SRGN: variants seen among roughly 807,000 people sequenced by gnomAD.
The protein encoded by SRGN is hematopoetic proteoglycan core peptide.
Under a neutral mutation model 9.5 loss-of-function variants are expected in SRGN, and 2 were observed. The observed-to-expected ratio is 0.21, with a 90% CI of 0.09 to 0.66. The LOEUF (loss-of-function observed/expected upper bound fraction) is 0.66, where lower values mean the gene tolerates loss of function less well. Ranked by LOEUF, SRGN falls within the 30% of genes least tolerant of loss-of-function variation. SRGN has a pLI of 0.83. For missense variants in SRGN, 170 were observed against 192.4 expected (o/e 0.88, Z 0.69); for synonymous variants, 59 against 72.3 (o/e 0.82, Z 0.93).
At chr10:69,089,087 G>C (rs1310144980) in intron 1 of SRGN, among the ~76,000 whole-genome samples, 1 of 152,176 alleles carries the variant, frequency 6.6e-6, no homozygotes, top group Non-Finnish European at 1.5e-5. Context: ...AAATGGTAAG[G>C]GAAATGTTGA....
intron 1 of SRGN, among the ~76,000 whole-genome samples, chr10:69,095,213 C>T (rs1259340935): frequency 6.7e-6 from 1 of 149,780 alleles, no homozygotes; most frequent in African/African-American, 2.5e-5. Flanking sequence ...GAGGCTGAGG[C>T]AGGAGAATCG....
intron 2 of SRGN, among the ~76,000 whole-genome samples, chr10:69,097,839 C>T (rs1345901006): frequency 2.6e-5 from 4 of 152,188 alleles, no homozygotes; most frequent in Non-Finnish European, 4.4e-5. Context: ...GTTGGGATTA[C>T]AAGCATGAGC....
chr10:69,101,099 C>T (rs1328077032), intron 2 of SRGN, among the ~76,000 whole-genome samples: 1 of 151,498 alleles, frequency 6.6e-6, no homozygotes, highest in East Asian at 1.9e-4. Context: ...TCTCCTGCCT[C>T]AGCCTCCAGG....
intron 2 of SRGN, among the ~76,000 whole-genome samples, chr10:69,099,468 TA>T (rs940128543): frequency 6.6e-6 from 1 of 151,888 alleles, no homozygotes; most frequent in Non-Finnish European, 1.5e-5. Flanking sequence ...CCCATCTAAT[TA>T]AAAAAATTTT....
intron 1 of SRGN, among the ~76,000 whole-genome samples, chr10:69,088,554 T>C (rs1417001624): frequency 6.6e-6 from 1 of 152,172 alleles, no homozygotes; most frequent in Non-Finnish European, 1.5e-5. Flanking sequence ...GCCTGTTGCA[T>C]GGAGGAGATG....
chr10:69,092,794 CAAA>C (rs11456015), intron 1 of SRGN, among the ~76,000 whole-genome samples: 2 of 118,082 alleles, frequency 1.7e-5, no homozygotes, highest in African/African-American at 3.3e-5. Context: ...ACTCTGTCTC[CAAA>C]AAAAAAAAAA....
intron 1 of SRGN, among the ~76,000 whole-genome samples, chr10:69,091,196 G>C (rs904053828): frequency 1.6e-4 from 25 of 152,278 alleles, no homozygotes; most frequent in Middle Eastern, 3.4e-3. Context: ...AAATTTGTGA[G>C]TCTTGCCCAA....
chr10:69,101,309 C>A (rs1000290166), intron 2 of SRGN, among the ~76,000 whole-genome samples: 5 of 152,266 alleles, frequency 3.3e-5, no homozygotes, highest in Non-Finnish European at 7.4e-5. Flanking sequence ...GGTTACCTCG[C>A]TATCCCCCAT....
chr10:69,088,927 T>TA (rs1839995334), intron 1 of SRGN, among the ~76,000 whole-genome samples: 1 of 152,190 alleles, frequency 6.6e-6, no homozygotes, highest in Admixed American at 6.5e-5. Flanking sequence ...TTAAAACCTG[T>TA]AATGACTAAG....
At chr10:69,087,867 A>C, upstream of SRGN, among the ~76,000 whole-genome samples, 1 of 152,154 alleles carries the variant, frequency 6.6e-6, no homozygotes, top group African/African-American at 2.4e-5. Flanking sequence ...TGGGAAAAAA[A>C]AATGTCTTGC....
In SRGN at chr10:69,090,512, G is replaced by A. The variant is rs369213641; in HGVS notation, c.79+2276G>A. Reference sequence around the variant, plus strand: ...TCGCATTCTGAGGCCTCTCTCCTTGGCTTATAGATGGCGCCTTCTCCCTTG... The same window carrying A: ...TCGCATTCTGAGGCCTCTCTCCTTGACTTATAGATGGCGCCTTCTCCCTTG... On this transcript the variant is annotated intron_variant, in intron 1 of 2. Coordinates refer to ENST00000242465, the MANE Select transcript of SRGN (RefSeq NM_002727.4). 9.9e-5 allele frequency among the ~76,000 whole-genome samples: 15 copies of A among 152,228 alleles called. No homozygotes were observed. The South Asian group carries it at 2.1e-3, about 21-fold the overall frequency.
rs2229498 is a variant in SRGN at position 69,097,096 on chromosome 10, G to A, written c.92G>A (p.Arg31Gln). 1,285,112 of 1,613,294 alleles carry A rather than the reference G, an allele frequency of 0.8. 522,340 individuals carry two copies. Among genetic ancestry groups the A allele is most frequent in the Middle Eastern group, 0.84 (5,102 of 6,060 alleles). Reference protein sequence around the residue: ...LESSVQGYPTRRARYQWVRCN... With the variant: ...LESSVQGYPTQRARYQWVRCN... ...GTTCCTCGGGCAGGTTATCCTACGC[G>A]GAGAGCCAGGTACCAATGGGTGCGC... is the stretch of plus-strand genomic sequence containing the variant. Residue 31 changes from arginine (R) to glutamine (Q), a missense_variant, in exon 2 of 3, where the codon CGG (arginine) becomes CAG (glutamine). Coordinates refer to ENST00000242465, the MANE Select transcript of SRGN (RefSeq NM_002727.4).
At chr10:69,097,273 T>A (rs911175508) in intron 2 of SRGN, 42 bp downstream of exon 2, 10 of 1,532,840 alleles carry the variant, frequency 6.5e-6, no homozygotes, top group Non-Finnish European at 8.9e-6. Flanking sequence ...ATTACTTATT[T>A]ATTTGAGACG....
intron 2 of SRGN, among the ~76,000 whole-genome samples, chr10:69,099,840 G>A (rs1211787999): frequency 6.6e-6 from 1 of 152,194 alleles, no homozygotes; most frequent in Non-Finnish European, 1.5e-5. Flanking sequence ...GCTCATGCCT[G>A]TAATCCCCCC....
chr10:69,099,639 A>G (rs1257557417), intron 2 of SRGN, among the ~76,000 whole-genome samples: 2 of 152,040 alleles, frequency 1.3e-5, no homozygotes, highest in Non-Finnish European at 2.9e-5. Context: ...GACTTTCTCC[A>G]TCACTGGTAT....
At chr10:69,096,931 T>C (rs1362634067) in intron 1 of SRGN, among the ~76,000 whole-genome samples, 153 bp from the exon 2 acceptor site, 1 of 152,040 alleles carries the variant, frequency 6.6e-6, no homozygotes, top group African/African-American at 2.4e-5. Flanking sequence ...GAGTTCAAGG[T>C]TGCAGTGAGC....
intron 1 of SRGN, among the ~76,000 whole-genome samples, chr10:69,095,910 T>TAAAATAAAATA (rs1840164440): frequency 1.9e-5 from 1 of 52,270 alleles, no homozygotes; most frequent in African/African-American, 3.8e-5. Flanking sequence ...AGACTCTCTC[T>TAAAATAAAATA]CAATAAAATA....
At chr10:69,090,115 G>A (rs934068690) in intron 1 of SRGN, among the ~76,000 whole-genome samples, 29 of 152,160 alleles carry the variant, frequency 1.9e-4, no homozygotes, top group Non-Finnish European at 4.0e-4. Context: ...AAGGGCTTGT[G>A]CCCACATCTG....
chr10:69,091,512 T>C (rs1840050787), intron 1 of SRGN, among the ~76,000 whole-genome samples: 1 of 152,138 alleles, frequency 6.6e-6, no homozygotes, highest in Non-Finnish European at 1.5e-5. Context: ...ATAAATCAAA[T>C]GGTCTTCTTT....
Sources: allele counts gnomAD v4.1 joint callset (sites outside exome capture counted in the v4.1 genomes callset), GRCh38; gene constraint gnomAD v4.1.1; transcripts MANE v1.5; gene names NCBI Gene and HGNC (gene_info 2026-07-23, HGNC 2026-07-21).